ARHGEF9: variants seen among roughly 807,000 people sequenced by gnomAD.
ARHGEF9 encodes the protein Cdc42 guanine nucleotide exchange factor 9, also known as rho guanine nucleotide exchange factor 9.
A neutral mutation model predicts 41.3 loss-of-function variants in ARHGEF9; 2 were observed. The observed-to-expected ratio is 0.05, with a 90% CI of 0.02 to 0.15. The LOEUF (loss-of-function observed/expected upper bound fraction) is 0.15. ARHGEF9 is among the 10% of genes least tolerant of loss of function. The probability of loss-of-function intolerance (pLI) is 1.00; values close to 1 mark genes in which losing one functional copy is unlikely to be tolerated. For synonymous variants in ARHGEF9, 160 were observed against 154.4 expected, an observed-to-expected ratio of 1.04 and a Z score of -0.27; for missense variants, 225 against 424.7, an observed-to-expected ratio of 0.53 and a Z score of 4.13.
chrX:63,651,936 AT>A (rs1556329371), intron 8 of ARHGEF9, among the ~76,000 whole-genome samples: 1 of 111,177 alleles, frequency 9.0e-6, no homozygotes, highest in Non-Finnish European at 1.9e-5. Flanking sequence ...CTTTTTTTCA[AT>A]TTACTAGTTG....
chrX:63,665,141 A>G (rs186652208), intron 7 of ARHGEF9, among the ~76,000 whole-genome samples: 1 of 112,390 alleles, frequency 8.9e-6, no homozygotes, highest in African/African-American at 3.2e-5. Context: ...AACTGGTCTG[A>G]ACTCTCTACT....
intron 1 of ARHGEF9, among the ~76,000 whole-genome samples, chrX:63,763,918 C>T (rs1330841393): frequency 2.7e-5 from 3 of 111,574 alleles, no homozygotes; most frequent in Non-Finnish European, 5.6e-5. Context: ...CCTCAGTTTC[C>T]TCATCTATAA....
At chrX:63,778,180 G>A (rs1556459908) in intron 1 of ARHGEF9, among the ~76,000 whole-genome samples, 1 of 112,495 alleles carries the variant, frequency 8.9e-6, no homozygotes, top group African/African-American at 3.2e-5. Context: ...TTCTTGGGAA[G>A]GTTTGGCCTC....
intron 1 of ARHGEF9, chrX:63,755,403 A>G: frequency 3.1e-6 from 1 of 317,943 alleles, no homozygotes; most frequent in East Asian, 4.9e-5. Flanking sequence ...TAGAGGGGGT[A>G]TATAAGGAGA....
At chrX:63,705,188 T>C (rs2052447036) in intron 3 of ARHGEF9, among the ~76,000 whole-genome samples, 2 of 111,611 alleles carry the variant, frequency 1.8e-5, no homozygotes, top group African/African-American at 6.5e-5. Context: ...TGGGCAGTAC[T>C]GATGTAGAGA....
intron 9 of ARHGEF9, chrX:63,638,605 G>T: frequency 3.1e-6 from 1 of 320,390 alleles, no homozygotes; most frequent in Non-Finnish European, 5.4e-6. Context: ...AATCCCTTAT[G>T]CAGGGGTTGG....
intron 1 of ARHGEF9, among the ~76,000 whole-genome samples, chrX:63,752,951 G>A: frequency 8.9e-6 from 1 of 112,001 alleles, no homozygotes; most frequent in Non-Finnish European, 1.9e-5. Context: ...TATAATACAT[G>A]AGCCATAAAT....
chrX:63,752,670 C>T (rs1236653608), intron 1 of ARHGEF9, among the ~76,000 whole-genome samples: 1 of 111,667 alleles, frequency 9.0e-6, no homozygotes, highest in Non-Finnish European at 1.9e-5. Flanking sequence ...CTCAGCTTCT[C>T]ACCCACACCA....
intron 1 of ARHGEF9, among the ~76,000 whole-genome samples, chrX:63,726,297 C>T (rs782381682): frequency 2.6e-4 from 29 of 112,615 alleles, no homozygotes; most frequent in African/African-American, 8.4e-4. Flanking sequence ...TTGATCCTTA[C>T]GGAATCAACT....
chrX:63,666,453 T>TATACACACAC (rs1556348918), intron 6 of ARHGEF9, among the ~76,000 whole-genome samples: 4 of 81,263 alleles, frequency 4.9e-5, no homozygotes, highest in Admixed American at 1.4e-4. Context: ...TATATATACA[T>TATACACACAC]ACACACACAC....
intron 8 of ARHGEF9, among the ~76,000 whole-genome samples, chrX:63,646,105 G>A (rs1189265008): frequency 9.0e-6 from 1 of 111,456 alleles, no homozygotes; most frequent in Non-Finnish European, 1.9e-5. Flanking sequence ...ATTTGTTTGA[G>A]TTCATTGTAG....
At chrX:63,741,256 C>A (rs1239182603) in intron 1 of ARHGEF9, among the ~76,000 whole-genome samples, 1 of 112,645 alleles carries the variant, frequency 8.9e-6, no homozygotes, top group Non-Finnish European at 1.9e-5. Flanking sequence ...TGTTAACTCA[C>A]ATCTGAGGGC....
intron 4 of ARHGEF9, among the ~76,000 whole-genome samples, chrX:63,693,358 T>A (rs192396230): frequency 2.2e-4 from 25 of 111,169 alleles, no homozygotes; most frequent in African/African-American, 7.8e-4. Context: ...CCACATGTAG[T>A]CCCAGCAATT....
At chrX:63,771,691 C>T (rs139307461) in intron 1 of ARHGEF9, among the ~76,000 whole-genome samples, 1,129 of 110,284 alleles carry the variant, frequency 0.01, 13 homozygotes, top group African/African-American at 0.035. Context: ...CTCAGCCTCC[C>T]GAGTAGCTGG....
chrX:63,676,436 G>A (rs1191868264), intron 5 of ARHGEF9, among the ~76,000 whole-genome samples: 1 of 112,001 alleles, frequency 8.9e-6, no homozygotes, highest in Non-Finnish European at 1.9e-5. Context: ...CAGCCTGTCC[G>A]TGAGCTATTT....
chrX:63,762,084 A>C (rs189374842), intron 1 of ARHGEF9, among the ~76,000 whole-genome samples: 40 of 111,675 alleles, frequency 3.6e-4, no homozygotes, highest in African/African-American at 1.2e-3. Context: ...ATCAGAACCC[A>C]GTGTTTAGTT....
At position 63,640,536 on chromosome X, in the gene ARHGEF9, T is replaced by A. The variant is rs1202823121; in HGVS notation, c.1391-2327A>T. The stretch of plus-strand genomic sequence containing the variant: ...ATGGGGAGCTCTATACTGATCTAGT[T>A]AATTAGGTTTATGTACCAGGAATTA... On this transcript the variant is annotated intron_variant, in intron 9 of 9. Coordinates refer to ENST00000671741, the MANE Select transcript of ARHGEF9 (RefSeq NM_001353921.2). 5 of 112,444 alleles carry A rather than the reference T, an allele frequency of 4.4e-5. No homozygotes were observed. In the Admixed American group the frequency reaches 4.7e-4, roughly 11 times the overall value. The allele number at this position is 112,444 out of a possible 1,213,427, so 9.3% of individuals were successfully genotyped here. A position where few individuals can be genotyped will look rare whatever the true frequency, so the allele number is the denominator to read the frequency against.
chrX:63,655,773 G>C (rs1481129052), intron 7 of ARHGEF9, 36 bp from the exon 8 acceptor site: 1 of 1,197,875 alleles, frequency 8.3e-7, no homozygotes, highest in African/African-American at 1.8e-5. Flanking sequence ...GAAGGTATGT[G>C]CACGGCGAGT....
At chrX:63,663,183 G>T (rs1602287735) in intron 7 of ARHGEF9, among the ~76,000 whole-genome samples, 3 of 111,442 alleles carry the variant, frequency 2.7e-5, no homozygotes. Flanking sequence ...TGATAGAGAA[G>T]GAATTTATAT....
Sources: gnomAD v4.1 joint callset for allele counts (sites outside exome capture counted in the v4.1 genomes callset) on GRCh38, gnomAD v4.1.1 for gene constraint, MANE v1.5 for transcripts, NCBI Gene and HGNC (gene_info 2026-07-23, HGNC 2026-07-21) for gene names.